The following SNX29 variants were observed in gnomAD, a reference collection of about 807,000 sequenced individuals.
The protein encoded by SNX29 is sorting nexin 29.
SNX29 carries 78 observed loss-of-function variants against 102.1 expected under a neutral mutation model. The ratio of observed to expected loss-of-function variants is 0.76; its 90% CI spans 0.64 to 0.92. The LOEUF (loss-of-function observed/expected upper bound fraction) is 0.92. SNX29 is among the 40% of genes least tolerant of loss of function. The pLI is 0.00. For missense variants in SNX29, 1,280 were observed against 1,061.7 expected (o/e 1.21, Z -2.86); for synonymous variants, 580 against 414.5 (o/e 1.40, Z -4.85).
In SNX29 at chr16:12,144,311, A is replaced by G. The variant is rs571736975; in HGVS notation, c.1595+14553A>G. On this transcript the variant is annotated intron_variant, in intron 13 of 20. Transcript: ENST00000566228. ...CCCACTGCAACAATTAGCACTACTA[A>G]CATTTGTCATTTTTGTTTTAGATTT... Among the ~76,000 whole-genome samples, 47 of 152,350 alleles carry G rather than the reference A, an allele frequency of 3.1e-4. 2 individuals are homozygous for G. The South Asian group carries it at 9.5e-3, about 31-fold the overall frequency.
At chr16:12,433,278 G>A (rs2085389576) in intron 18 of SNX29, among the ~76,000 whole-genome samples, 3 of 152,108 alleles carry the variant, frequency 2.0e-5, no homozygotes, top group Admixed American at 6.5e-5. Flanking sequence ...TTCTTCCTCT[G>A]CCTTAACGTC....
At chr16:12,191,499 G>T (rs2076641609) in intron 13 of SNX29, among the ~76,000 whole-genome samples, 1 of 152,124 alleles carries the variant, frequency 6.6e-6, no homozygotes, top group South Asian at 2.1e-4. Flanking sequence ...CCCCCACTCA[G>T]TGCTGGACAG....
intron 15 of SNX29, among the ~76,000 whole-genome samples, chr16:12,325,283 G>A (rs1373712418): frequency 6.6e-6 from 1 of 152,150 alleles, no homozygotes; most frequent in African/African-American, 2.4e-5. Flanking sequence ...TTATTTGCAT[G>A]GTATCATAAC....
At chr16:12,289,999 G>C (rs937530625) in intron 15 of SNX29, among the ~76,000 whole-genome samples, 1 of 152,116 alleles carries the variant, frequency 6.6e-6, no homozygotes, top group Non-Finnish European at 1.5e-5. Context: ...CTGGAGAAAC[G>C]GGATACAGCG....
chr16:12,126,762 A>T (rs1166725717), intron 12 of SNX29, 66 bp downstream of exon 12: 1 of 1,569,398 alleles, frequency 6.4e-7, no homozygotes, highest in East Asian at 2.3e-5. Context: ...GGGAAGACAG[A>T]ATATAACAGA....
chr16:12,470,025 A>G (rs923876007), intron 18 of SNX29, among the ~76,000 whole-genome samples: 5 of 152,298 alleles, frequency 3.3e-5, no homozygotes, highest in African/African-American at 1.2e-4. Flanking sequence ...AAAAAATAAA[A>G]TAAATAAATA....
At chr16:12,524,302 C>T (rs1436305380) in intron 19 of SNX29, among the ~76,000 whole-genome samples, 1 of 151,920 alleles carries the variant, frequency 6.6e-6, no homozygotes, top group Non-Finnish European at 1.5e-5. Flanking sequence ...TTGATAATTA[C>T]CCGCTGACCT....
rs2054370662 is a variant in SNX29 at position 12,129,695 on chromosome 16, C to T, written c.1532C>T (p.Thr511Ile). 1.9e-6 allele frequency: 3 copies of T among 1,611,016 alleles called. No homozygotes were observed. The highest frequency in any genetic ancestry group is 2.5e-6 in the Non-Finnish European group (3 of 1,179,518). ...HSAALRQEVD[T>I]LKRKVAEQEE... is the part of the protein sequence containing the mutation. ...GCCGCGCTCCGGCAAGAGGTGGACA[C>T]CTTGAAAAGGAAGGTGGCTGAACAG... is the stretch of plus-strand genomic sequence containing the variant. The change falls in exon 13 of 21, where the codon ACC becomes ATC. Residue 511 changes from threonine (T) to isoleucine (I), a missense_variant. Coordinates refer to ENST00000566228, the MANE Select transcript of SNX29 (RefSeq NM_032167.5).
At chr16:12,364,767 G>A (rs1023521205) in intron 16 of SNX29, among the ~76,000 whole-genome samples, 8 of 152,058 alleles carry the variant, frequency 5.3e-5, no homozygotes, top group African/African-American at 1.9e-4. Flanking sequence ...TCTCTGTCCC[G>A]TTTCTGATCA....
chr16:12,530,268 AC>A, intron 20 of SNX29, among the ~76,000 whole-genome samples: 1 of 152,296 alleles, frequency 6.6e-6, no homozygotes, highest in South Asian at 2.1e-4. Context: ...AGCGCATCAC[AC>A]ATAGTAAGCA....
chr16:12,055,279 G>C (rs1391266413), intron 8 of SNX29, among the ~76,000 whole-genome samples: 1 of 147,502 alleles, frequency 6.8e-6, no homozygotes, highest in Admixed American at 6.9e-5. Context: ...TGTCACCTAG[G>C]CTGGAGTACG....
intron 14 of SNX29, among the ~76,000 whole-genome samples, chr16:12,269,277 T>C (rs373637950): frequency 6.6e-6 from 1 of 152,200 alleles, no homozygotes; most frequent in South Asian, 2.1e-4. Flanking sequence ...ATAAGGTAGA[T>C]GTTAACTAGG....
At chr16:12,068,913 A>C in intron 9 of SNX29, 144 bp from the exon 10 acceptor site, 2 of 678,432 alleles carry the variant, frequency 2.9e-6, no homozygotes, top group Non-Finnish European at 2.5e-6. Flanking sequence ...CAGCTGATTA[A>C]AATCCAGCTT....
At chr16:12,374,998 C>G (rs371931653) in intron 16 of SNX29, 4 of 152,152 alleles carry the variant, frequency 2.6e-5, no homozygotes, top group East Asian at 3.8e-4. Context: ...CCCAGGGTCA[C>G]TTGAGCCCAG....
chr16:12,557,026 GC>G (rs759205533), intron 20 of SNX29, among the ~76,000 whole-genome samples: 387 of 11,604 alleles, frequency 0.033, 26 homozygotes, highest in Middle Eastern at 0.12. Flanking sequence ...CCCCCCCCCC[GC>G]CCCAAGATGA....
intron 5 of SNX29, among the ~76,000 whole-genome samples, chr16:12,045,873 C>A (rs1435541631): frequency 1.3e-5 from 2 of 152,064 alleles, no homozygotes; most frequent in Admixed American, 1.3e-4. Flanking sequence ...GATCCTCCCC[C>A]CTGGCCTCCT....
At chr16:12,499,676 CTTCT>C (rs2089011646) in intron 19 of SNX29, among the ~76,000 whole-genome samples, 1 of 152,142 alleles carries the variant, frequency 6.6e-6, no homozygotes, top group South Asian at 2.1e-4. Context: ...CATTCATTTA[CTTCT>C]TTATTTATTT....
intron 20 of SNX29, among the ~76,000 whole-genome samples, chr16:12,545,050 C>G (rs1331205844): frequency 2.6e-5 from 4 of 152,200 alleles, no homozygotes; most frequent in Admixed American, 6.5e-5. Context: ...TGATGCCCTG[C>G]TCCTGTAGCA....
At chr16:12,118,612 G>A (rs1409041771) in intron 11 of SNX29, among the ~76,000 whole-genome samples, 1 of 151,982 alleles carries the variant, frequency 6.6e-6, no homozygotes, top group Non-Finnish European at 1.5e-5. Context: ...CACCGTGCCC[G>A]CCCTAGAGAC....
Sources: allele counts gnomAD v4.1 joint callset (sites outside exome capture counted in the v4.1 genomes callset), GRCh38; gene constraint gnomAD v4.1.1; transcripts MANE v1.5; gene names NCBI Gene and HGNC (gene_info 2026-07-23, HGNC 2026-07-21).